TMEM74: variants seen among roughly 807,000 people sequenced by gnomAD.
The protein encoded by TMEM74 is transmembrane protein 74.
In TMEM74, 13 loss-of-function variants were observed where a neutral mutation model predicts 18.1. The ratio of observed to expected loss-of-function variants is 0.72; its 90% CI spans 0.47 to 1.14. The LOEUF (loss-of-function observed/expected upper bound fraction) is 1.14, where lower values mean the gene tolerates loss of function less well. Ranked by LOEUF, TMEM74 falls within the 50% of genes most tolerant of loss-of-function variation. The pLI, the probability that TMEM74 is intolerant of heterozygous loss-of-function variation, is 0.00. For synonymous variants in TMEM74, 159 were observed against 146.6 expected (o/e 1.08, Z -0.61); for missense variants, 372 against 375.9 (o/e 0.99, Z 0.09).
intron 3 of TMEM74, chr8:108,607,841 G>T (rs1188766840): frequency 6.6e-6 from 1 of 152,064 alleles, no homozygotes; most frequent in Non-Finnish European, 1.5e-5. Context: ...AAAATGCTTT[G>T]TATGCTATGT....
intron 2 of TMEM74, among the ~76,000 whole-genome samples, chr8:108,637,696 A>C (rs1324817403): frequency 6.6e-6 from 1 of 152,142 alleles, no homozygotes; most frequent in Non-Finnish European, 1.5e-5. Flanking sequence ...TACAGAAGGA[A>C]AGAGGAGGGC....
Position 108,654,335 on chromosome 8 carries a change from T to C in TMEM74, n.264+958A>G, listed in dbSNP as rs75193354. Among the ~76,000 whole-genome samples, 1,058 of 152,256 alleles carry C rather than the reference T, an allele frequency of 6.9e-3. 14 individuals carry two copies. The highest frequency in any genetic ancestry group is 0.023 in the African/African-American group (950 of 41,560). ...GTCTGTGTCTTAGTTTTCCTATTTG[T>C]AAAATGCAAAATAGAAATACTTTTC... On this transcript the variant is annotated intron_variant and non_coding_transcript_variant, in intron 2 of 3. Coordinates refer to the TMEM74 transcript ENST00000518838.
Position 108,781,125 on chromosome 8 carries a change from CTT to C in TMEM74, c.*3054_*3055del, listed in dbSNP as rs1249104591. The stretch of plus-strand genomic sequence containing the variant: ...TCTCATTGAGACTAGGAAGATGACT[CTT>C]GAGTTTAGATTTCTAAAACCATGTA... On this transcript the variant is annotated 3_prime_UTR_variant, in exon 2 of 2. Transcript: ENST00000297459. 1.3e-5 allele frequency among the ~76,000 whole-genome samples: 2 copies of C among 152,106 alleles called. No homozygotes were observed. Among genetic ancestry groups the C allele is most frequent in the Admixed American group, 6.5e-5 (1 of 15,270 alleles).
chr8:108,678,838 C>T (rs1813083013), intron 1 of TMEM74, among the ~76,000 whole-genome samples: 1 of 151,128 alleles, frequency 6.6e-6, no homozygotes, highest in Non-Finnish European at 1.5e-5. Flanking sequence ...TGTTGGTGTG[C>T]TGCACCCATT....
intron 1 of TMEM74, among the ~76,000 whole-genome samples, chr8:108,718,689 T>G (rs962439812): frequency 4.6e-5 from 7 of 152,164 alleles, no homozygotes; most frequent in African/African-American, 1.7e-4. Context: ...AGCTGAAATG[T>G]TGGTATATGT....
At chr8:108,628,284 T>C (rs1812516211) in intron 2 of TMEM74, among the ~76,000 whole-genome samples, 1 of 151,940 alleles carries the variant, frequency 6.6e-6, no homozygotes, top group Admixed American at 6.6e-5. Context: ...AGAAAAAACA[T>C]TTGTCTGTAT....
intron 1 of TMEM74, among the ~76,000 whole-genome samples, chr8:108,687,417 C>T (rs982978722): frequency 1.3e-5 from 2 of 152,046 alleles, no homozygotes; most frequent in African/African-American, 2.4e-5. Flanking sequence ...CAGCAGTCCC[C>T]AACCTTTTTG....
intron 1 of TMEM74, among the ~76,000 whole-genome samples, chr8:108,746,931 C>T (rs899621129): frequency 3.9e-5 from 6 of 152,118 alleles, no homozygotes; most frequent in Admixed American, 1.3e-4. Flanking sequence ...ACCTCTCTTC[C>T]ATCTGGTTGT....
chr8:108,694,762 A>C (rs12677756), intron 1 of TMEM74, among the ~76,000 whole-genome samples: 6,468 of 152,330 alleles, frequency 0.042, 182 homozygotes, highest in East Asian at 0.13. Flanking sequence ...TTGACCGTAC[A>C]CAACTATGGA....
intron 1 of TMEM74, among the ~76,000 whole-genome samples, chr8:108,785,950 C>T (rs1814379258): frequency 1.3e-5 from 2 of 152,158 alleles, no homozygotes; most frequent in South Asian, 4.1e-4. Flanking sequence ...TGGGCCAACC[C>T]ACTCCTCCAC....
exon 4 of TMEM74, chr8:108,607,186 G>A (rs1812282125): frequency 6.6e-6 from 1 of 152,206 alleles, no homozygotes; most frequent in Non-Finnish European, 1.5e-5. Context: ...ATTCAAGGAA[G>A]TGAAGAAATA....
intron 1 of TMEM74, among the ~76,000 whole-genome samples, chr8:108,712,354 A>C (rs544682413): frequency 6.6e-6 from 1 of 152,310 alleles, no homozygotes; most frequent in South Asian, 2.1e-4. Context: ...CTATCTTGAA[A>C]CTATGTAAAT....
intron 3 of TMEM74, chr8:108,608,616 C>A (rs1226063469): frequency 6.6e-6 from 1 of 152,170 alleles, no homozygotes. Flanking sequence ...AATTTGAGGT[C>A]AAAATAGGCT....
intron 1 of TMEM74, among the ~76,000 whole-genome samples, chr8:108,787,210 G>T (rs760033143): frequency 6.6e-6 from 1 of 152,060 alleles, no homozygotes; most frequent in Non-Finnish European, 1.5e-5. Flanking sequence ...TCGGGGAGGC[G>T]ACCTCTGGAT....
chr8:108,699,183 T>TCCTTCCTTCCTTTCTTCCTCCCTC (rs1316107934), intron 1 of TMEM74, among the ~76,000 whole-genome samples: 2 of 70,458 alleles, frequency 2.8e-5, no homozygotes, highest in Non-Finnish European at 5.1e-5. Flanking sequence ...CTTCCTTCCT[T>TCCTTCCTTCCTTTCTTCCTCCCTC]CCTCCCTCCC....
chr8:108,623,887 C>A (rs1423288211), intron 2 of TMEM74, among the ~76,000 whole-genome samples: 1 of 152,038 alleles, frequency 6.6e-6, no homozygotes, highest in Admixed American at 6.6e-5. Flanking sequence ...CTACACAGGG[C>A]ACTCCCCCTA....
rs931171163 is a variant in TMEM74, at chr8:108,614,553, G to A, written n.265-5727C>T. Among the ~76,000 whole-genome samples, 3 of 152,278 alleles carry A rather than the reference G, an allele frequency of 2.0e-5. No homozygotes were observed. The East Asian group carries it at 5.8e-4, about 29-fold the overall frequency. On this transcript the variant is annotated intron_variant and non_coding_transcript_variant, in intron 2 of 3. Transcript: ENST00000518838. Reference sequence around the variant, plus strand: ...GACTGTGAAAATTCCTGTAGGAAGAGGGAGGAGAAATCAAACTTATGTAAC... The same window carrying A: ...GACTGTGAAAATTCCTGTAGGAAGAAGGAGGAGAAATCAAACTTATGTAAC...
At chr8:108,714,481 A>C (rs1813503461) in intron 1 of TMEM74, among the ~76,000 whole-genome samples, 1 of 152,218 alleles carries the variant, frequency 6.6e-6, no homozygotes, top group African/African-American at 2.4e-5. Flanking sequence ...AAAATTCTTC[A>C]AGTGACAAGG....
At chr8:108,752,065 G>C (rs570800900) in intron 1 of TMEM74, among the ~76,000 whole-genome samples, 35 of 152,168 alleles carry the variant, frequency 2.3e-4, no homozygotes, top group African/African-American at 6.3e-4. Flanking sequence ...ATGAATGAAT[G>C]AATGAATGAC....
Sources: gnomAD v4.1 joint callset for allele counts (sites outside exome capture counted in the v4.1 genomes callset) on GRCh38, gnomAD v4.1.1 for gene constraint, MANE v1.5 for transcripts, NCBI Gene and HGNC (gene_info 2026-07-23, HGNC 2026-07-21) for gene names.